The following ANKS1B variants were observed in gnomAD, a reference collection of about 807,000 sequenced individuals.
ANKS1B encodes ankyrin repeat and sterile alpha motif domain-containing protein 1B.
A neutral mutation model predicts 148.3 loss-of-function variants in ANKS1B; 36 were observed. That is an observed-to-expected ratio of 0.24 (90% confidence interval 0.19 to 0.32). ANKS1B has a LOEUF of 0.32. Ranked by LOEUF, ANKS1B falls within the 10% of genes least tolerant of loss-of-function variation. The pLI is 1.00. For synonymous variants in ANKS1B, 542 were observed against 560.8 expected, an observed-to-expected ratio of 0.97 and a Z score of 0.47; for missense variants, 1,157 against 1,542.6, an observed-to-expected ratio of 0.75 and a Z score of 4.19.
intron 17 of ANKS1B, among the ~76,000 whole-genome samples, chr12:99,006,027 G>A: frequency 6.6e-6 from 1 of 152,158 alleles, no homozygotes; most frequent in East Asian, 1.9e-4. Context: ...AAAGCACCTT[G>A]GTTGAGGTTT....
intron 12 of ANKS1B, among the ~76,000 whole-genome samples, chr12:99,395,367 C>A (rs2094210241): frequency 6.6e-6 from 1 of 152,014 alleles, no homozygotes; most frequent in Admixed American, 6.6e-5. Context: ...ATAATCTATC[C>A]CTCACCCTCT....
At chr12:99,965,422 G>A (rs955651591) in intron 1 of ANKS1B, among the ~76,000 whole-genome samples, 1 of 152,186 alleles carries the variant, frequency 6.6e-6, no homozygotes, top group African/African-American at 2.4e-5. Flanking sequence ...GTTTGATGAG[G>A]AATGGGATAT....
chr12:99,952,223 A>AT (rs1284858257), intron 1 of ANKS1B, among the ~76,000 whole-genome samples: 4 of 152,174 alleles, frequency 2.6e-5, no homozygotes, highest in African/African-American at 9.7e-5. Context: ...GAATTCATGC[A>AT]TGGAACCCCT....
intron 14 of ANKS1B, among the ~76,000 whole-genome samples, chr12:99,178,675 ATTTAT>A (rs1218804609): frequency 3.3e-5 from 5 of 152,174 alleles, no homozygotes; most frequent in African/African-American, 7.2e-5. Flanking sequence ...TTTGTTCATT[ATTTAT>A]TTTATATCAA....
intron 12 of ANKS1B, among the ~76,000 whole-genome samples, chr12:99,326,426 A>C (rs971998304): frequency 3.3e-5 from 5 of 152,130 alleles, no homozygotes; most frequent in African/African-American, 9.6e-5. Context: ...TCCTCTCACC[A>C]AACAAGGGCA....
chr12:99,576,574 A>G (rs559922863), intron 9 of ANKS1B, among the ~76,000 whole-genome samples: 94 of 152,274 alleles, frequency 6.2e-4, no homozygotes, highest in African/African-American at 2.2e-3. Context: ...ATCAATAACA[A>G]GAAGATCTCT....
At chr12:99,209,106 T>C (rs2083025527) in intron 14 of ANKS1B, among the ~76,000 whole-genome samples, 1 of 152,178 alleles carries the variant, frequency 6.6e-6, no homozygotes, top group Non-Finnish European at 1.5e-5. Context: ...AATGACTCTG[T>C]AGGTACTGTG....
intron 1 of ANKS1B, among the ~76,000 whole-genome samples, chr12:99,886,864 G>C (rs2092848931): frequency 6.6e-6 from 1 of 152,108 alleles, no homozygotes; most frequent in Admixed American, 6.6e-5. Context: ...TATATAAGCT[G>C]TCAAAAATGT....
chr12:99,470,480 T>A (rs1372420636), intron 10 of ANKS1B, among the ~76,000 whole-genome samples: 1 of 152,174 alleles, frequency 6.6e-6, no homozygotes, highest in Non-Finnish European at 1.5e-5. Context: ...TTAGATTTCA[T>A]GTAACATTTT....
intron 17 of ANKS1B, among the ~76,000 whole-genome samples, chr12:98,871,029 G>C (rs1482893181): frequency 6.6e-6 from 1 of 152,118 alleles, no homozygotes; most frequent in East Asian, 1.9e-4. Flanking sequence ...CCACCTCTTT[G>C]AATTGAGGTC....
intron 16 of ANKS1B, among the ~76,000 whole-genome samples, chr12:99,058,969 C>T (rs1053845138): frequency 2.0e-5 from 3 of 151,434 alleles, no homozygotes; most frequent in African/African-American, 7.3e-5. Context: ...GATCTCCTGA[C>T]CTCGTGATCC....
chr12:99,107,321 A>G (rs1463522961), intron 15 of ANKS1B, among the ~76,000 whole-genome samples: 2 of 152,144 alleles, frequency 1.3e-5, no homozygotes, highest in Non-Finnish European at 2.9e-5. Flanking sequence ...AGAAGTGATG[A>G]GAATGGGAAA....
intron 17 of ANKS1B, among the ~76,000 whole-genome samples, chr12:98,960,358 A>G (rs967253846): frequency 6.6e-6 from 1 of 152,188 alleles, no homozygotes; most frequent in Admixed American, 6.5e-5. Flanking sequence ...CTGGAAATCC[A>G]AAGAATTCTT....
intron 17 of ANKS1B, among the ~76,000 whole-genome samples, chr12:98,877,055 G>A (rs7296190): frequency 0.037 from 5,705 of 152,270 alleles, 254 homozygotes; most frequent in African/African-American, 0.11. Context: ...ATTAACCAGA[G>A]TAGCAACACA....
chr12:99,896,171 A>G (rs1324724406), intron 1 of ANKS1B, among the ~76,000 whole-genome samples: 1 of 151,148 alleles, frequency 6.6e-6, no homozygotes, highest in East Asian at 1.9e-4. Flanking sequence ...GCTATACAGT[A>G]AATCTCTGTG....
intron 17 of ANKS1B, among the ~76,000 whole-genome samples, chr12:98,842,261 T>C (rs561227123): frequency 7.2e-5 from 11 of 152,320 alleles, no homozygotes; most frequent in African/African-American, 1.9e-4. Flanking sequence ...ATGGGCTACA[T>C]GATACAGGCT....
At chr12:98,925,415 G>A (rs962964188) in intron 17 of ANKS1B, among the ~76,000 whole-genome samples, 1 of 152,038 alleles carries the variant, frequency 6.6e-6, no homozygotes, top group Non-Finnish European at 1.5e-5. Flanking sequence ...GATTCCCTAG[G>A]TGACTCATCA....
At chr12:98,761,902 C>G (rs188107749) in intron 25 of ANKS1B, among the ~76,000 whole-genome samples, 1 of 152,318 alleles carries the variant, frequency 6.6e-6, no homozygotes, top group East Asian at 1.9e-4. Context: ...ACCATTTTGA[C>G]CTGCCTTGCA....
At chr12:99,651,984 T>C (rs2098422730) in intron 9 of ANKS1B, among the ~76,000 whole-genome samples, 2 of 151,490 alleles carry the variant, frequency 1.3e-5, no homozygotes, top group South Asian at 4.1e-4. Context: ...TATTTTTAAT[T>C]GCAAAACTTC....
Sources: gnomAD v4.1 joint callset for allele counts (sites outside exome capture counted in the v4.1 genomes callset) on GRCh38, gnomAD v4.1.1 for gene constraint, MANE v1.5 for transcripts, NCBI Gene and HGNC (gene_info 2026-07-23, HGNC 2026-07-21) for gene names.